Variants in PACRG observed in about 807,000 individuals in gnomAD.
PACRG encodes parkin coregulated gene protein.
In PACRG, 29 loss-of-function variants were observed where a neutral mutation model predicts 29.7. The ratio of observed to expected loss-of-function variants is 0.98; its 90% CI spans 0.73 to 1.33. PACRG has a LOEUF of 1.33. Ranked by LOEUF, PACRG falls within the 40% of genes most tolerant of loss-of-function variation. The pLI is 0.00. For synonymous variants in PACRG, 116 were observed against 118.7 expected (o/e 0.98, Z 0.15); for missense variants, 279 against 316.2 (o/e 0.88, Z 0.89).
Position 163,055,555 on chromosome 6 carries a change from C to T in PACRG, c.292-6595C>T, listed in dbSNP as rs1320819536. On this transcript the variant is annotated intron_variant, in intron 2 of 4. Coordinates refer to ENST00000366888, the MANE Select transcript of PACRG (RefSeq NM_001080379.2). This position sits in a 1 kb window ranked among gnomAD's most constrained non-coding sequence, Gnocchi z 4.0. ...AGGAATTTACATACAAAAAATCATC[C>T]TGTAGGAAGTAGAACTGTATCTACT... is the stretch of plus-strand genomic sequence containing the variant. Among the ~76,000 whole-genome samples the T allele has an allele frequency of 1.3e-5, 2 of 152,122 alleles. No homozygotes were observed. The highest frequency in any genetic ancestry group is 2.9e-5 in the Non-Finnish European group (2 of 68,020).
Position 163,315,270 on chromosome 6 carries a change from C to A in PACRG, c.*283C>A. ...GACAGAAGCAGGAGTCCGAGTTAAA[C>A]CTTCAGTTGTATAGACAATAAACTA... On this transcript the variant is annotated 3_prime_UTR_variant, in exon 5 of 5. Coordinates refer to ENST00000366888, the MANE Select transcript of PACRG (RefSeq NM_001080379.2). 3.4e-6 allele frequency: 1 copy of A among 290,344 alleles called. No homozygotes were observed. Among genetic ancestry groups the A allele is most frequent in the Non-Finnish European group, 6.4e-6 (1 of 156,564 alleles). 18.0% of individuals were successfully genotyped at this position (290,344 alleles called of 1,614,324 possible).
chr6:163,244,996 G>A, intron 4 of PACRG: 1 of 455,166 alleles, frequency 2.2e-6, no homozygotes, highest in Non-Finnish European at 4.4e-6. Context: ...GGGAGGTCCA[G>A]ACTTGCTCCT....
intron 1 of PACRG, among the ~76,000 whole-genome samples, chr6:162,806,481 AG>A (rs1786342239): frequency 6.6e-6 from 1 of 152,110 alleles, no homozygotes; most frequent in East Asian, 1.9e-4. Flanking sequence ...CATGGGCTGC[AG>A]AATGGGTGTT....
chr6:162,937,883 G>T (rs1322711162), intron 2 of PACRG, among the ~76,000 whole-genome samples: 1 of 151,252 alleles, frequency 6.6e-6, no homozygotes. Context: ...GGGTTTATTT[G>T]CAGTCATTTT....
At chr6:162,813,717 T>G (rs571886582) in intron 1 of PACRG, among the ~76,000 whole-genome samples, 18 of 152,264 alleles carry the variant, frequency 1.2e-4, no homozygotes, top group South Asian at 6.2e-4. Flanking sequence ...TCCATATATA[T>G]AGAAAGATTG....
At chr6:162,750,362 A>T (rs1340922866) in intron 1 of PACRG, among the ~76,000 whole-genome samples, 1 of 152,206 alleles carries the variant, frequency 6.6e-6, no homozygotes, top group African/African-American at 2.4e-5. Flanking sequence ...TGGAAAAATT[A>T]CTTCTCAAAC....
At chr6:163,115,132 A>C (rs75838868) in intron 4 of PACRG, among the ~76,000 whole-genome samples, 1,587 of 152,300 alleles carry the variant, frequency 0.01, 31 homozygotes, top group African/African-American at 0.037. Context: ...CTTATATACA[A>C]ATAGAAACCT....
At chr6:163,248,535 G>A (rs1401610859) in intron 4 of PACRG, among the ~76,000 whole-genome samples, 2 of 151,832 alleles carry the variant, frequency 1.3e-5, no homozygotes, top group African/African-American at 4.8e-5. Flanking sequence ...ATTCCGAGAA[G>A]CAGAATACTT....
intron 4 of PACRG, among the ~76,000 whole-genome samples, chr6:163,093,348 T>C (rs1044990798): frequency 6.6e-6 from 1 of 152,242 alleles, no homozygotes; most frequent in African/African-American, 2.4e-5. Flanking sequence ...GGGGAGTTCC[T>C]ACAAAATATT....
chr6:163,255,603 C>G (rs948125787), intron 4 of PACRG, among the ~76,000 whole-genome samples: 2 of 152,006 alleles, frequency 1.3e-5, no homozygotes, highest in Admixed American at 1.3e-4. Context: ...GGAACAACAA[C>G]AGGTCCTGAT....
chr6:163,087,389 G>T (rs1813667370), intron 3 of PACRG, among the ~76,000 whole-genome samples: 1 of 147,014 alleles, frequency 6.8e-6, no homozygotes, highest in South Asian at 2.2e-4. Flanking sequence ...GACTGGGACT[G>T]GAAGAGAGAA....
intron 4 of PACRG, among the ~76,000 whole-genome samples, chr6:163,119,820 C>A (rs1460389325): frequency 6.6e-6 from 1 of 152,104 alleles, no homozygotes; most frequent in Non-Finnish European, 1.5e-5. Flanking sequence ...ATTTCAACAT[C>A]ATTTTATGTA....
At chr6:163,080,060 G>A (rs558803061) in intron 3 of PACRG, among the ~76,000 whole-genome samples, 82 of 151,682 alleles carry the variant, frequency 5.4e-4, no homozygotes, top group African/African-American at 1.8e-3. Flanking sequence ...CACCACGCCT[G>A]GCTAATTTTT....
At chr6:163,202,214 T>A (rs1198805693) in intron 4 of PACRG, among the ~76,000 whole-genome samples, 6 of 151,860 alleles carry the variant, frequency 4.0e-5, no homozygotes, top group East Asian at 1.9e-4. Context: ...TGGTCAGGGG[T>A]GGGAGTTGAT....
rs140527372 is a variant in PACRG at position 162,776,168 on chromosome 6, T to C, written c.157-37979T>C. ...TATTTATTAGCTACATATTCCTTGG[T>C]CTTTACTTCGTGACAGCAATTACAT... is the stretch of plus-strand genomic sequence containing the variant. On this transcript the variant is annotated intron_variant, in intron 1 of 4. Coordinates refer to ENST00000366888, the MANE Select transcript of PACRG (RefSeq NM_001080379.2). Among the ~76,000 whole-genome samples, 10 of 152,354 alleles carry C rather than the reference T, an allele frequency of 6.6e-5. No homozygotes were observed. In the East Asian group the frequency reaches 1.9e-3, roughly 29 times the overall value.
chr6:163,132,676 C>CT (rs1816786755), intron 4 of PACRG, among the ~76,000 whole-genome samples: 1 of 152,182 alleles, frequency 6.6e-6, no homozygotes, highest in African/African-American at 2.4e-5. Flanking sequence ...TGTACCTCCT[C>CT]AGTAGGAGCT....
At chr6:163,144,233 C>CAAAAAAAA (rs754157729) in intron 4 of PACRG, among the ~76,000 whole-genome samples, 13 of 101,976 alleles carry the variant, frequency 1.3e-4, no homozygotes, top group East Asian at 3.1e-4. Flanking sequence ...CGTCTCAAAA[C>CAAAAAAAA]AAAAAAAAAA....
intron 4 of PACRG, among the ~76,000 whole-genome samples, chr6:163,218,651 C>A (rs1407766716): frequency 6.6e-6 from 1 of 152,232 alleles, no homozygotes. Flanking sequence ...CAGCAACACT[C>A]ACCCCAACCA....
Position 162,950,724 on chromosome 6 carries a change from T to C in PACRG, c.292-111426T>C, listed in dbSNP as rs375947705. On this transcript the variant is annotated intron_variant, in intron 2 of 4. Coordinates refer to ENST00000366888, the MANE Select transcript of PACRG (RefSeq NM_001080379.2). ...GGAAAAAATACTACAAATATCTAAT[T>C]GTTCCTGAATTCAATACAAACTGAT... is the stretch of plus-strand genomic sequence containing the variant. 1.3e-3 allele frequency among the ~76,000 whole-genome samples: 205 copies of C among 152,336 alleles called. 1 individual carries two copies. The highest frequency in any genetic ancestry group is 4.9e-3 in the African/African-American group (204 of 41,582).
Sources: gnomAD v4.1 joint callset for allele counts (sites outside exome capture counted in the v4.1 genomes callset) on GRCh38, gnomAD v4.1.1 for gene constraint, Gnocchi (gnomAD v3.1) non-coding constraint, MANE v1.5 for transcripts, NCBI Gene and HGNC (gene_info 2026-07-23, HGNC 2026-07-21) for gene names.